Variants in PCDHGB2 observed in about 807,000 individuals in gnomAD.
The protein encoded by PCDHGB2 is protocadherin gamma-B2.
PCDHGB2 carries 55 observed loss-of-function variants against 59.3 expected under a neutral mutation model. The ratio of observed to expected loss-of-function variants is 0.93; its 90% confidence interval spans 0.75 to 1.16. The LOEUF is 1.16. Among genes scored for constraint, PCDHGB2 ranks in the 50% most tolerant of loss-of-function variants. The pLI is 0.00. For synonymous variants in PCDHGB2, 516 were observed against 512.0 expected, an observed-to-expected ratio of 1.01 and a Z score of -0.11; for missense variants, 1,228 against 1,198.5, an observed-to-expected ratio of 1.02 and a Z score of -0.36.
At chr5:141,400,524 G>A (rs958686867) in intron 1 of PCDHGB2, 1 of 1,613,802 alleles carries the variant, frequency 6.2e-7, no homozygotes, top group Non-Finnish European at 8.5e-7. Context: ...ATCCTGAGTT[G>A]GTGAGTTTCA....
At chr5:141,500,877 A>C (rs2099803156) in intron 2 of PCDHGB2, among the ~76,000 whole-genome samples, 1 of 122,292 alleles carries the variant, frequency 8.2e-6, no homozygotes, top group African/African-American at 3.9e-5. Flanking sequence ...TTCATTTACA[A>C]TTTTTTTTTT....
rs2099521625 is a variant in PCDHGB2, at chr5:141,480,568, G to A, written c.2422-14239G>A. 2.0e-5 allele frequency among the ~76,000 whole-genome samples: 3 copies of A among 152,338 alleles called. No individual in the cohort carries two copies. The South Asian group carries it at 6.2e-4, about 32-fold the overall frequency. Reference sequence around the variant, plus strand: ...AAAGGCTAAGAAAGCATGAAAGCCAGCAAGAAATAACTGCCGCTCTTCTGG... The same window carrying A: ...AAAGGCTAAGAAAGCATGAAAGCCAACAAGAAATAACTGCCGCTCTTCTGG... On this transcript the variant is annotated intron_variant, in intron 1 of 3. Coordinates refer to ENST00000522605, the MANE Select transcript of PCDHGB2 (RefSeq NM_018923.3).
chr5:141,478,199 C>T lies in PCDHGB2; in HGVS notation c.2422-16608C>T, dbSNP rs759439765. 3.7e-6 allele frequency: 6 copies of T among 1,614,056 alleles called. No homozygotes were observed. The Middle Eastern group carries it at 6.6e-4, about 178-fold the overall frequency. On this transcript the variant is annotated intron_variant, in intron 1 of 3. Coordinates refer to ENST00000522605, the MANE Select transcript of PCDHGB2 (RefSeq NM_018923.3). ...GAAAAAAAATCTCACCTTTTATCTA[C>T]TTCTTTCTCTAATCCTGGTTTCTGT...
chr5:141,388,647 G>A lies in PCDHGB2; in HGVS notation c.2421+26091G>A, dbSNP rs778996768. ...ATACAGGGTGAGCCTTTCAGAAAAC[G>A]TGTACCCGGGGACCACGGTGCTACA... On this transcript the variant is annotated intron_variant, in intron 1 of 3. Coordinates refer to ENST00000522605, the MANE Select transcript of PCDHGB2 (RefSeq NM_018923.3). The A allele has an allele frequency of 6.8e-6, 11 of 1,613,892 alleles. No homozygotes were observed. The Admixed American group carries it at 1.0e-4, about 15-fold the overall frequency.
chr5:141,393,043 T>C (rs770560068), intron 1 of PCDHGB2: 1 of 1,613,732 alleles, frequency 6.2e-7, no homozygotes, highest in South Asian at 1.1e-5. Context: ...CTCTTTGCTC[T>C]GAACCCGCGC....
At chr5:141,438,487 G>T (rs1030201971) in intron 1 of PCDHGB2, among the ~76,000 whole-genome samples, 9 of 150,284 alleles carry the variant, frequency 6.0e-5, no homozygotes, top group African/African-American at 2.2e-4. Flanking sequence ...GTCTCTTGGA[G>T]AAAAAAGAAT....
At chr5:141,394,982 C>T (rs754667421) in intron 1 of PCDHGB2, 16 of 1,613,866 alleles carry the variant, frequency 9.9e-6, no homozygotes, top group Non-Finnish European at 1.3e-5. Context: ...ACAAGTCACG[C>T]CTGCTCCAGG....
chr5:141,419,006 A>G (rs2096312225), intron 1 of PCDHGB2: 1 of 1,614,006 alleles, frequency 6.2e-7, no homozygotes. Context: ...TGGGGAAGTC[A>G]GGTGTAGCTT....
In PCDHGB2 at chr5:141,432,654, T is replaced by C. The variant is rs2097525297; in HGVS notation, c.2422-62153T>C. ...GGCGAGGTGCGCACGGCGCGAGCCC[T>C]GCTGGACAGAGACGCGCTCAAGCAG... is the stretch of plus-strand genomic sequence containing the variant. On this transcript the variant is annotated intron_variant, in intron 1 of 3. Transcript: ENST00000522605. This position sits in a 1 kb window ranked among gnomAD's most constrained non-coding sequence, Gnocchi z 6.0. The C allele has an allele frequency of 1.2e-6, 2 of 1,613,816 alleles. No homozygotes were observed. Among genetic ancestry groups the C allele is most frequent in the African/African-American group, 1.3e-5 (1 of 75,034 alleles).
At chr5:141,371,583 G>T (rs1767867513) in intron 1 of PCDHGB2, 3 of 1,613,828 alleles carry the variant, frequency 1.9e-6, no homozygotes, top group Non-Finnish European at 2.5e-6. Context: ...AATCGTTCAA[G>T]ATACCAAAAA....
At position 141,491,099 on chromosome 5, in the gene PCDHGB2, T is replaced by C. The variant is rs1352561414; in HGVS notation, c.2422-3708T>C. 1 of 1,614,176 alleles carries C rather than the reference T, an allele frequency of 6.2e-7. No homozygotes were observed. ...CAGTCCACAGCCCCAGGACTGTTCC[T>C]CGTGTCTACACACACTGGTGAGGTG... On this transcript the variant is annotated intron_variant, in intron 1 of 3. Coordinates refer to ENST00000522605, the MANE Select transcript of PCDHGB2 (RefSeq NM_018923.3). The surrounding 1 kb of genome is among the most constrained non-coding windows in gnomAD (Gnocchi z 6.9).
intron 1 of PCDHGB2, among the ~76,000 whole-genome samples, chr5:141,447,644 G>A (rs1212910845): frequency 1.3e-5 from 2 of 152,146 alleles, no homozygotes; most frequent in Admixed American, 1.3e-4. Context: ...AATGATGGTA[G>A]AATTTTCCCC....
Position 141,489,417 on chromosome 5 carries a change from G to A in PCDHGB2, c.2422-5390G>A, listed in dbSNP as rs1020232739. On this transcript the variant is annotated intron_variant, in intron 1 of 3. Coordinates refer to ENST00000522605, the MANE Select transcript of PCDHGB2 (RefSeq NM_018923.3). This position sits in a 1 kb window ranked among gnomAD's most constrained non-coding sequence, Gnocchi z 4.5. ...ATCTGGGCTTAAAGATGACAGATCT[G>A]TTGAGCCGGCGGCTGCAATTGGGCT... The A allele has an allele frequency of 1.2e-6, 2 of 1,614,172 alleles. No individual in the cohort carries two copies. The highest frequency in any genetic ancestry group is 3.3e-5 in the Admixed American group (2 of 60,030).
intron 1 of PCDHGB2, chr5:141,374,106 C>T (rs377211748): frequency 1.1e-5 from 17 of 1,572,446 alleles, no homozygotes; most frequent in South Asian, 3.5e-5. Flanking sequence ...CAGAGGCATC[C>T]GCAGCGCAGC....
At chr5:141,403,686 G>T in intron 1 of PCDHGB2, 1 of 1,613,824 alleles carries the variant, frequency 6.2e-7, no homozygotes, top group Non-Finnish European at 8.5e-7. Context: ...TTTGCTCAAC[G>T]GATTTACCGA....
chr5:141,422,790 C>G, intron 1 of PCDHGB2: 1 of 1,614,060 alleles, frequency 6.2e-7, no homozygotes, highest in South Asian at 1.1e-5. Context: ...TACAATCCTT[C>G]GACTATGAGC....
At chr5:141,446,493 T>C (rs1416449558) in intron 1 of PCDHGB2, among the ~76,000 whole-genome samples, 2 of 152,152 alleles carry the variant, frequency 1.3e-5, no homozygotes. Flanking sequence ...TTTTTTTTTT[T>C]TGAGATGGAG....
chr5:141,389,990 C>T (rs2091998485), intron 1 of PCDHGB2: 3 of 1,614,044 alleles, frequency 1.9e-6, no homozygotes, highest in Non-Finnish European at 8.5e-7. Context: ...TGCTCTTCCT[C>T]GTGGCCATGA....
chr5:141,438,576 A>C (rs1016175176), intron 1 of PCDHGB2, among the ~76,000 whole-genome samples: 4 of 55,572 alleles, frequency 7.2e-5, no homozygotes, highest in Non-Finnish European at 1.2e-4. Context: ...TCTGATATAC[A>C]TACATACATA....
Sources: gnomAD v4.1 joint callset for allele counts (sites outside exome capture counted in the v4.1 genomes callset) on GRCh38, gnomAD v4.1.1 for gene constraint, Gnocchi (gnomAD v3.1) non-coding constraint, MANE v1.5 for transcripts, NCBI Gene and HGNC (gene_info 2026-07-23, HGNC 2026-07-21) for gene names.